ZNF653: variants seen among roughly 807,000 people sequenced by gnomAD.
ZNF653 encodes zinc finger protein 653, also known as 67 kDa zinc finger protein.
ZNF653 carries 37 observed loss-of-function variants against 59.9 expected under a neutral mutation model. That is an observed-to-expected ratio of 0.62 (90% CI 0.48 to 0.81). The LOEUF (loss-of-function observed/expected upper bound fraction) is 0.81. Ranked by LOEUF, ZNF653 falls within the 40% of genes least tolerant of loss-of-function variation. The pLI, the probability that ZNF653 is intolerant of heterozygous loss-of-function variation, is 0.00. For missense variants in ZNF653, 808 were observed against 881.1 expected (o/e 0.92, Z 1.05); for synonymous variants, 435 against 371.8 (o/e 1.17, Z -1.96).
rs368267798 is a variant in ZNF653 at position 11,485,624 on chromosome 19, C to G, written c.1570+32G>C. On this transcript the variant is annotated intron_variant, in intron 7 of 8. Coordinates refer to ENST00000293771, the MANE Select transcript of ZNF653 (RefSeq NM_138783.4). ...CCCAGGCCCATGTCCCTGTGTCCCCCGCTCATGCTGCCAGCTGGCCCAGGG... is the reference window on the plus strand; with the variant it reads ...CCCAGGCCCATGTCCCTGTGTCCCCGGCTCATGCTGCCAGCTGGCCCAGGG... 86 of 1,574,162 alleles carry G rather than the reference C, an allele frequency of 5.5e-5. 1 individual carries two copies. In the South Asian group the frequency reaches 8.9e-4, roughly 16 times the overall value.
At position 11,495,981 on chromosome 19, in the gene ZNF653, G is replaced by A. The variant is rs140986196; in HGVS notation, c.528C>T (p.Pro176=). Residue 176 remains proline, a synonymous_variant, in exon 3 of 9, where the codon CCC becomes CCT. Coordinates refer to ENST00000293771, the MANE Select transcript of ZNF653 (RefSeq NM_138783.4). This position sits in a 1 kb window ranked among gnomAD's most constrained non-coding sequence, Gnocchi z 4.9. The part of the protein sequence containing the change: ...YFQDLHSPLK[P]LSDSDPDSDK... The stretch of plus-strand genomic sequence containing the variant: ...CACTGTCAGGGTCTGAGTCGCTGAG[G>A]GGCTTCAGGGGCGAATGCAGGTCCT... 187 of 1,614,164 alleles carry A rather than the reference G, an allele frequency of 1.2e-4. No homozygotes were observed. The East Asian group carries it at 3.2e-3, about 27-fold the overall frequency.
intron 3 of ZNF653, among the ~76,000 whole-genome samples, chr19:11,489,047 G>A (rs1266909553): frequency 6.7e-6 from 1 of 149,588 alleles, no homozygotes; most frequent in Admixed American, 6.7e-5. Flanking sequence ...TTACAGGCGT[G>A]CACCACCACA....
intron 1 of ZNF653, among the ~76,000 whole-genome samples, chr19:11,500,188 C>A (rs563500892): frequency 1.3e-5 from 2 of 152,262 alleles, no homozygotes; most frequent in East Asian, 3.9e-4. Context: ...CCGTCTGGTT[C>A]CCAGGACTGC....
rs138958868 is a variant in ZNF653 at position 11,486,858 on chromosome 19, G to T, written c.1366C>A (p.Arg456=). 59 of 1,610,820 alleles carry T rather than the reference G, an allele frequency of 3.7e-5. No individual in the cohort carries two copies. In the African/African-American group the frequency reaches 6.8e-4, roughly 19 times the overall value. The part of the protein sequence containing the change: ...PEKRRRSKRS[R]VMDADGLLEM... ...AGCAGGCCGTCAGCATCCATCACCC[G>T]CGACCGCTTGCTCCGCCGCCTCCTG... is the stretch of plus-strand genomic sequence containing the variant. Residue 456 remains arginine (R), a synonymous_variant, in exon 6 of 9, where the codon CGG becomes AGG. Coordinates refer to ENST00000293771, the MANE Select transcript of ZNF653 (RefSeq NM_138783.4).
rs756616850 is a variant in ZNF653 at position 11,487,568 on chromosome 19, C to G, written c.895G>C (p.Glu299Gln). ...CTGGCCACCACCTCACCCAGGGCCT[C>G]CTGGGGCACGTTCTCAAAGAGGGCG... ...PSALFENVPQ[E>Q]ALGEVVASCP... The change falls in exon 4 of 9, where the codon GAG becomes CAG. Residue 299 changes from glutamate to glutamine, a missense_variant. Glu to Gln is a conservative substitution (Grantham distance 29, BLOSUM62 2). Coordinates refer to ENST00000293771, the MANE Select transcript of ZNF653 (RefSeq NM_138783.4). This position sits in a 1 kb window ranked among gnomAD's most constrained non-coding sequence, Gnocchi z 5.1. 11 of 1,613,968 alleles carry G rather than the reference C, an allele frequency of 6.8e-6. No homozygotes were observed. The highest frequency in any genetic ancestry group is 3.3e-5 in the Admixed American group (2 of 60,026).
intron 3 of ZNF653, among the ~76,000 whole-genome samples, chr19:11,490,433 C>G (rs1971518767): frequency 6.6e-6 from 1 of 152,160 alleles, no homozygotes; most frequent in Non-Finnish European, 1.5e-5. Context: ...GTTGTGTAAG[C>G]TGTAGTGAAG....
At position 11,487,581 on chromosome 19, in the gene ZNF653, C is replaced by T; in HGVS notation, c.882G>A (p.Glu294=). Residue 294 remains glutamate, a synonymous_variant, in exon 4 of 9, where the codon GAG becomes GAA. Transcript: ENST00000293771. The surrounding 1 kb of genome is among the most constrained non-coding windows in gnomAD (Gnocchi z 5.1). ...QVGAGPSALF[E]NVPQEALGEV... ...CACCCAGGGCCTCCTGGGGCACGTT[C>T]TCAAAGAGGGCGCTGGGGCCCGCAC... is the stretch of plus-strand genomic sequence containing the variant. 6.2e-7 allele frequency: 1 copy of T among 1,613,960 alleles called. No individual in the cohort carries two copies. The highest frequency in any genetic ancestry group is 8.5e-7 in the Non-Finnish European group (1 of 1,179,988).
intron 3 of ZNF653, among the ~76,000 whole-genome samples, chr19:11,490,802 A>G (rs1386219402): frequency 6.6e-6 from 1 of 152,052 alleles, no homozygotes; most frequent in South Asian, 2.1e-4. Context: ...TTGGCCCCCT[A>G]AGAGTGTCTC....
intron 1 of ZNF653, 38 bp downstream of exon 1, chr19:11,505,450 G>A (rs956302976): frequency 2.8e-6 from 4 of 1,406,910 alleles, no homozygotes; most frequent in African/African-American, 1.5e-5. Flanking sequence ...GTCTGGGGGC[G>A]TCTCCTCCCT....
intron 3 of ZNF653, among the ~76,000 whole-genome samples, chr19:11,492,766 C>G (rs1284907088): frequency 6.6e-6 from 1 of 152,134 alleles, no homozygotes; most frequent in Admixed American, 6.5e-5. Context: ...GTGTGGTGCA[C>G]AGTGAGGGCT....
intron 1 of ZNF653, among the ~76,000 whole-genome samples, chr19:11,502,823 C>T (rs929054855): frequency 4.6e-5 from 7 of 152,084 alleles, no homozygotes; most frequent in Non-Finnish European, 8.8e-5. Context: ...CTCTTGAGGT[C>T]AGGAGTTCGA....
intron 3 of ZNF653, among the ~76,000 whole-genome samples, chr19:11,492,883 G>A (rs1316108518): frequency 6.6e-6 from 1 of 152,070 alleles, no homozygotes; most frequent in East Asian, 1.9e-4. Flanking sequence ...GTAGCTGGAA[G>A]TACAGGCACA....
chr19:11,483,952 G>A, intron 8 of ZNF653, 90 bp downstream of exon 8: 3 of 1,522,398 alleles, frequency 2.0e-6, no homozygotes, highest in Non-Finnish European at 2.6e-6. Flanking sequence ...ACCGGGCCCA[G>A]ACACTGCGTT....
intron 1 of ZNF653, among the ~76,000 whole-genome samples, chr19:11,504,259 G>C (rs1289252959): frequency 6.6e-6 from 1 of 152,052 alleles, no homozygotes; most frequent in African/African-American, 2.4e-5. Context: ...AAATTAGCCG[G>C]GCGTGGTGGC....
intron 1 of ZNF653, chr19:11,500,688 TG>T (rs1971634826): frequency 6.6e-6 from 1 of 152,234 alleles, no homozygotes; most frequent in African/African-American, 2.4e-5. Flanking sequence ...CGCTGGAGGC[TG>T]GGAGTGTCAC....
At chr19:11,484,769 C>T (rs1159654953) in intron 7 of ZNF653, among the ~76,000 whole-genome samples, 2 of 151,928 alleles carry the variant, frequency 1.3e-5, no homozygotes, top group Non-Finnish European at 2.9e-5. Flanking sequence ...AAAAAAACTT[C>T]TGCCCAGCAC....
chr19:11,495,029 ACCC>A lies in ZNF653; in HGVS notation c.559+918_559+920del, dbSNP rs1971570920. Among the ~76,000 whole-genome samples the A allele has an allele frequency of 1.3e-5, 2 of 152,062 alleles. No homozygotes were observed. Among genetic ancestry groups the A allele is most frequent in the Admixed American group, 1.3e-4 (2 of 15,262 alleles). The stretch of plus-strand genomic sequence containing the variant: ...GGGACGGTCGTTGGCGGGGGCGCCC[ACCC>A]GGAACACCTCTCGCCCCCGGCTTCC... On this transcript the variant is annotated intron_variant, in intron 3 of 8. Coordinates refer to ENST00000293771, the MANE Select transcript of ZNF653 (RefSeq NM_138783.4). The surrounding 1 kb of genome is among the most constrained non-coding windows in gnomAD (Gnocchi z 4.9).
chr19:11,484,046 G>T lies in ZNF653; in HGVS notation c.1666C>A (p.Leu556Met). ...ACGGGGCGGCCTGTCACTCACTGCA[G>T]GGGGGTCTCGCCGGTGTGGGTGCGC... The part of the protein sequence containing the change: ...HRRTHTGETP[L>M]QCEICGYQCR... The change falls in exon 8 of 9, where the codon CTG becomes ATG. Residue 556 changes from leucine to methionine, a missense_variant. By Grantham distance (15) the Leu-to-Met change is conservative (BLOSUM62 2). Transcript: ENST00000293771. 2 of 1,555,428 alleles carry T rather than the reference G, an allele frequency of 1.3e-6. No individual in the cohort carries two copies. The highest frequency in any genetic ancestry group is 2.4e-5 in the East Asian group (1 of 41,380).
chr19:11,487,063 C>T lies in ZNF653; in HGVS notation c.1267G>A (p.Ala423Thr), dbSNP rs1021886631. ...TCCAGCTCCTCCCCGTCCGCCTCTG[C>T]CTCAGGCTCTGCGCTCTCAGGCACC... ...TTVPESAEPEAEADGEELDGS... is the reference protein window; with the variant it reads ...TTVPESAEPETEADGEELDGS... The change falls in exon 5 of 9, where the codon GCA becomes ACA. Residue 423 changes from alanine to threonine, a missense_variant. By Grantham distance (58) the Ala-to-Thr change is moderately conservative. Transcript: ENST00000293771. The surrounding 1 kb of genome is among the most constrained non-coding windows in gnomAD (Gnocchi z 5.1). 2.5e-6 allele frequency: 4 copies of T among 1,614,150 alleles called. No homozygotes were observed. The highest frequency in any genetic ancestry group is 1.7e-5 in the Admixed American group (1 of 60,034).
Sources: gnomAD v4.1 joint callset for allele counts (sites outside exome capture counted in the v4.1 genomes callset) on GRCh38, gnomAD v4.1.1 for gene constraint, Gnocchi (gnomAD v3.1) non-coding constraint, MANE v1.5 for transcripts, NCBI Gene and HGNC (gene_info 2026-07-23, HGNC 2026-07-21) for gene names.